NRXN1: variants seen among roughly 807,000 people sequenced by gnomAD.
The protein encoded by NRXN1 is neurexin 1.
NRXN1 carries 39 observed loss-of-function variants against 150.9 expected under a neutral mutation model. That is an observed-to-expected ratio of 0.26 (90% CI 0.20 to 0.34). NRXN1 has a LOEUF of 0.34. Ranked by LOEUF, NRXN1 falls within the 10% of genes least tolerant of loss-of-function variation. The pLI, the probability that NRXN1 is intolerant of heterozygous loss-of-function variation, is 1.00. For missense variants in NRXN1, 1,815 were observed against 1,949.9 expected (o/e 0.93, Z 1.30); for synonymous variants, 924 against 757.0 (o/e 1.22, Z -3.62).
At chr2:50,393,026 G>C (rs896236581) in intron 17 of NRXN1, among the ~76,000 whole-genome samples, 13 of 152,106 alleles carry the variant, frequency 8.5e-5, no homozygotes, top group Non-Finnish European at 1.5e-4. Flanking sequence ...AGAAAAAGGG[G>C]AGAACTATAA....
chr2:50,805,480 C>G (rs1024319077), intron 5 of NRXN1, among the ~76,000 whole-genome samples: 12 of 151,884 alleles, frequency 7.9e-5, no homozygotes, highest in Non-Finnish European at 1.5e-4. Flanking sequence ...CATGGCAAAC[C>G]CCATCATTAC....
intron 5 of NRXN1, among the ~76,000 whole-genome samples, chr2:50,862,508 CAT>C (rs1289559783): frequency 1.3e-5 from 2 of 151,970 alleles, no homozygotes; most frequent in Non-Finnish European, 2.9e-5. Flanking sequence ...AAGGTCAACT[CAT>C]GTGTAGGAAG....
At chr2:50,064,684 T>C (rs904608109) in intron 19 of NRXN1, among the ~76,000 whole-genome samples, 6 of 152,182 alleles carry the variant, frequency 3.9e-5, no homozygotes, top group South Asian at 4.1e-4. Context: ...TTTTACTAAA[T>C]TGAATCTTTT....
chr2:50,411,225 G>A (rs892833911), intron 17 of NRXN1, among the ~76,000 whole-genome samples: 2 of 152,084 alleles, frequency 1.3e-5, no homozygotes, highest in Non-Finnish European at 2.9e-5. Context: ...ACGGGGTTTC[G>A]CCGTGTTGGC....
chr2:50,480,054 T>C (rs1342889176), intron 15 of NRXN1, among the ~76,000 whole-genome samples: 1 of 152,186 alleles, frequency 6.6e-6, no homozygotes, highest in Admixed American at 6.5e-5. Flanking sequence ...ATTACAGGCG[T>C]AAGCCACCAT....
chr2:50,612,391 C>T (rs1024981705), intron 8 of NRXN1, among the ~76,000 whole-genome samples: 41 of 152,146 alleles, frequency 2.7e-4, no homozygotes, highest in African/African-American at 8.9e-4. Flanking sequence ...TTTTCTTCTT[C>T]TTCCATTACT....
Position 50,159,347 on chromosome 2 carries a change from T to A in NRXN1, c.3547-67853A>T, listed in dbSNP as rs184848321. ...TCAGAATGGAATTTTACAAAGATAA[T>A]CTTTAGATCTTAGTTATTTGGAGGA... On this transcript the variant is annotated intron_variant, in intron 18 of 22. Transcript: ENST00000401669. Among the ~76,000 whole-genome samples the A allele has an allele frequency of 2.2e-4, 33 of 152,278 alleles. No homozygotes were observed. In the East Asian group the frequency reaches 5.6e-3, roughly 26 times the overall value.
intron 19 of NRXN1, among the ~76,000 whole-genome samples, chr2:50,065,629 A>C (rs886965573): frequency 1.2e-4 from 18 of 152,196 alleles, no homozygotes; most frequent in African/African-American, 4.1e-4. Context: ...AAGTGATCAA[A>C]GACCTATAAC....
intron 19 of NRXN1, among the ~76,000 whole-genome samples, chr2:50,088,032 G>C (rs904919183): frequency 1.3e-5 from 2 of 152,036 alleles, no homozygotes; most frequent in African/African-American, 4.8e-5. Flanking sequence ...GCTGGTTCCC[G>C]CTTCTCTGAG....
intron 5 of NRXN1, among the ~76,000 whole-genome samples, chr2:50,664,850 T>C (rs1051569188): frequency 2.4e-4 from 37 of 151,676 alleles, no homozygotes; most frequent in Non-Finnish European, 4.6e-4. Context: ...AATGACCTAA[T>C]GCTATCTATC....
At chr2:50,649,123 C>T (rs934092210) in intron 5 of NRXN1, among the ~76,000 whole-genome samples, 2 of 151,836 alleles carry the variant, frequency 1.3e-5, no homozygotes, top group African/African-American at 2.4e-5. Context: ...ACTTTATGAA[C>T]CCATAGGACT....
intron 5 of NRXN1, among the ~76,000 whole-genome samples, chr2:50,679,389 T>C (rs1262592473): frequency 6.6e-6 from 1 of 152,126 alleles, no homozygotes; most frequent in Non-Finnish European, 1.5e-5. Context: ...TAATGTTGTC[T>C]GTCTTTAGCA....
intron 17 of NRXN1, among the ~76,000 whole-genome samples, chr2:50,361,712 C>A (rs1055063746): frequency 3.9e-5 from 6 of 152,138 alleles, no homozygotes; most frequent in Admixed American, 2.0e-4. Flanking sequence ...CTAATCCTAA[C>A]AATAGAAAAA....
chr2:50,674,802 A>G (rs576577310), intron 5 of NRXN1, among the ~76,000 whole-genome samples: 6 of 152,230 alleles, frequency 3.9e-5, no homozygotes, highest in South Asian at 2.1e-4. Flanking sequence ...AGCAAAGATA[A>G]TAAGTTTAAT....
At chr2:50,581,022 G>C (rs1399146573) in intron 8 of NRXN1, among the ~76,000 whole-genome samples, 1 of 151,954 alleles carries the variant, frequency 6.6e-6, no homozygotes, top group Non-Finnish European at 1.5e-5. Context: ...CTTTTTTGGA[G>C]GACAATATAC....
chr2:50,351,467 G>T (rs1160299412), intron 17 of NRXN1, among the ~76,000 whole-genome samples: 1 of 152,076 alleles, frequency 6.6e-6, no homozygotes, highest in African/African-American at 2.4e-5. Context: ...ATGAAATTAA[G>T]GGCTTGTTAA....
At chr2:50,540,335 G>A (rs1459777733) in intron 9 of NRXN1, among the ~76,000 whole-genome samples, 6 of 152,132 alleles carry the variant, frequency 3.9e-5, no homozygotes, top group African/African-American at 1.4e-4. Context: ...GGAACATATG[G>A]GAACCATAAA....
At chr2:50,567,858 A>T (rs1278941524) in intron 8 of NRXN1, among the ~76,000 whole-genome samples, 1 of 152,156 alleles carries the variant, frequency 6.6e-6, no homozygotes, top group East Asian at 1.9e-4. Flanking sequence ...CATTCTTTTA[A>T]CCACTTTACT....
chr2:50,001,577 G>C (rs1453221773), intron 21 of NRXN1, among the ~76,000 whole-genome samples: 1 of 152,046 alleles, frequency 6.6e-6, no homozygotes, highest in Non-Finnish European at 1.5e-5. Flanking sequence ...GCGTGCTTTG[G>C]ATGAGTAACT....
Sources: gnomAD v4.1 joint callset for allele counts (sites outside exome capture counted in the v4.1 genomes callset) on GRCh38, gnomAD v4.1.1 for gene constraint, MANE v1.5 for transcripts, NCBI Gene and HGNC (gene_info 2026-07-23, HGNC 2026-07-21) for gene names.